The following EZH2 variants were observed in gnomAD, a reference collection of about 807,000 sequenced individuals.
EZH2 encodes the protein histone-lysine N-methyltransferase EZH2.
EZH2 carries 18 observed loss-of-function variants against 98.4 expected under a neutral mutation model. The observed-to-expected ratio is 0.18, with a 90% CI of 0.13 to 0.27. The LOEUF is 0.27. EZH2 is among the 10% of genes least tolerant of loss of function. The probability of loss-of-function intolerance (pLI) is 1.00; values close to 1 mark genes in which losing one functional copy is unlikely to be tolerated. For synonymous variants in EZH2, 338 were observed against 312.3 expected, an observed-to-expected ratio of 1.08 and a Z score of -0.87; for missense variants, 470 against 935.1, an observed-to-expected ratio of 0.50 and a Z score of 6.49.
At chr7:148,827,318 G>C in intron 6 of EZH2, 52 bp from the exon 7 acceptor site, 3 of 1,387,012 alleles carry the variant, frequency 2.2e-6, no homozygotes, top group Non-Finnish European at 3.0e-6. Flanking sequence ...ACAAGTTTTT[G>C]ATCTTTCATT....
At chr7:148,877,776 T>C (rs972870474) in intron 1 of EZH2, among the ~76,000 whole-genome samples, 1 of 152,226 alleles carries the variant, frequency 6.6e-6, no homozygotes, top group Admixed American at 6.5e-5. Context: ...ACACTGTACC[T>C]TCCATCAAAC....
rs779086763 is a variant in EZH2 at position 148,847,171 on chromosome 7, T to C, written c.117+11A>G. 2 of 1,595,556 alleles carry C rather than the reference T, an allele frequency of 1.3e-6. No individual in the cohort carries two copies. The highest frequency in any genetic ancestry group is 1.7e-6 in the Non-Finnish European group (2 of 1,174,558). On this transcript the variant is annotated intron_variant, in intron 2 of 19. Transcript: ENST00000320356. Reference sequence around the variant, plus strand: ...ATTGTATATTCATTTTCACAAAAGATAAAATTATACCTTTACTTCATCAGC... The same window carrying C: ...ATTGTATATTCATTTTCACAAAAGACAAAATTATACCTTTACTTCATCAGC...
At chr7:148,829,687 T>C (rs2129476832) in intron 5 of EZH2, 41 bp downstream of exon 5, 1 of 1,591,300 alleles carries the variant, frequency 6.3e-7, no homozygotes, top group Admixed American at 1.9e-5. Flanking sequence ...GTCTCTCAAT[T>C]CTTTAGCCCC....
chr7:148,832,886 G>T lies in EZH2; in HGVS notation c.247-136C>A. 6.2e-6 allele frequency: 3 copies of T among 482,904 alleles called. No individual in the cohort carries two copies. The South Asian group carries it at 1.4e-4, about 23-fold the overall frequency. The allele number at this position is 482,904 out of a possible 1,614,324, so 29.9% of individuals were successfully genotyped here. On this transcript the variant is annotated intron_variant, in intron 3 of 19. Transcript: ENST00000320356. ...AAGTCCTTACCTAGGACAGTAAAGT[G>T]GTCATATAAACCAAATAGGATTCTC... is the stretch of plus-strand genomic sequence containing the variant.
chr7:148,831,106 A>G (rs1021549412), intron 4 of EZH2, among the ~76,000 whole-genome samples: 4 of 152,226 alleles, frequency 2.6e-5, no homozygotes, highest in Non-Finnish European at 4.4e-5. Context: ...GGGAAAGGCC[A>G]CACACAGGAC....
At chr7:148,839,310 A>G (rs915593228) in intron 3 of EZH2, among the ~76,000 whole-genome samples, 21 of 152,264 alleles carry the variant, frequency 1.4e-4, no homozygotes, top group Non-Finnish European at 2.9e-4. Flanking sequence ...AAAAGAACAA[A>G]ATTAAAAACC....
chr7:148,866,537 C>CGTATATACATATATATGT (rs1196931114), intron 1 of EZH2, among the ~76,000 whole-genome samples: 5 of 99,250 alleles, frequency 5.0e-5, no homozygotes, highest in Admixed American at 2.3e-4. Flanking sequence ...CATATATATA[C>CGTATATACATATATATGT]GTATATACAT....
At chr7:148,880,975 T>C (rs1308479912) in intron 1 of EZH2, among the ~76,000 whole-genome samples, 1 of 152,196 alleles carries the variant, frequency 6.6e-6, no homozygotes, top group Non-Finnish European at 1.5e-5. Flanking sequence ...AGAGTGGGAA[T>C]TCAGGGAAGA....
chr7:148,812,292 A>T (rs1375545202), intron 15 of EZH2, among the ~76,000 whole-genome samples: 3 of 152,224 alleles, frequency 2.0e-5, no homozygotes, highest in Admixed American at 2.0e-4. Flanking sequence ...GGGAGGTGTT[A>T]TCATGATCTT....
intron 17 of EZH2, 193 bp downstream of exon 17, chr7:148,810,140 G>C: frequency 2.2e-6 from 1 of 459,172 alleles, no homozygotes; most frequent in Non-Finnish European, 4.0e-6. Context: ...GCGGTTTCCT[G>C]CACATCTAGT....
chr7:148,832,620 T>TCTTCTG lies in EZH2; in HGVS notation c.363+13_363+14insCAGAAG. 1 of 1,301,244 alleles carries TCTTCTG rather than the reference T, an allele frequency of 7.7e-7. No homozygotes were observed. Among genetic ancestry groups the TCTTCTG allele is most frequent in the Non-Finnish European group, 1.1e-6 (1 of 924,850 alleles). The allele number at this position is 1,301,244 out of a possible 1,614,324, so 80.6% of individuals were successfully genotyped here. A position where few individuals can be genotyped will look rare whatever the true frequency, so the allele number is the denominator to read the frequency against. On this transcript the variant is annotated intron_variant, in intron 4 of 19. Transcript: ENST00000320356. ...GTTATTATCAAATAAGCAGAAGATA[T>TCTTCTG]CTTATTTACATACCATAAAATTCTG...
At chr7:148,838,298 T>A (rs1367769729) in intron 3 of EZH2, among the ~76,000 whole-genome samples, 3 of 151,970 alleles carry the variant, frequency 2.0e-5, no homozygotes, top group Non-Finnish European at 2.9e-5. Context: ...GAAATTTAGA[T>A]CCTTAAAGCT....
At chr7:148,850,442 T>A (rs1815420274) in intron 1 of EZH2, 2 of 963,882 alleles carry the variant, frequency 2.1e-6, no homozygotes, top group Non-Finnish European at 2.5e-6. Flanking sequence ...GTTTCTACCA[T>A]TAATAACATA....
At chr7:148,822,658 T>C (rs902145040) in intron 8 of EZH2, among the ~76,000 whole-genome samples, 5 of 149,770 alleles carry the variant, frequency 3.3e-5, no homozygotes, top group African/African-American at 1.2e-4. Context: ...AGAATAAAAA[T>C]AGGCCAGGCG....
chr7:148,832,063 C>T (rs1254401479), intron 4 of EZH2, among the ~76,000 whole-genome samples: 1 of 152,074 alleles, frequency 6.6e-6, no homozygotes, highest in East Asian at 1.9e-4. Flanking sequence ...AGGACACTGA[C>T]TTTTTTAAGG....
intron 9 of EZH2, among the ~76,000 whole-genome samples, chr7:148,819,318 T>TAA (rs1554491149): frequency 1.3e-5 from 2 of 152,226 alleles, no homozygotes; most frequent in Non-Finnish European, 1.5e-5. Flanking sequence ...GCAACTCTCA[T>TAA]AGACTTTGTG....
rs1805454439 is a variant in EZH2, at chr7:148,819,611, C to A, written c.984G>T (p.Gln328His). Reference sequence around the variant, plus strand: ...TAAGTCTTACCAAATGCTGGTAACACTGTGGTCCACAAGGTTTGTTGTCTA... The same window carrying A: ...TAAGTCTTACCAAATGCTGGTAACAATGTGGTCCACAAGGTTTGTTGTCTA... ...TALDNKPCGP[Q>H]CYQHLEGAKE... Residue 328 changes from glutamine (Q) to histidine (H), a missense_variant, in exon 9 of 20, where the codon CAG becomes CAT. Physicochemically the swap from Gln to His is conservative, Grantham distance 24. Around this residue, in one of 6 missense-constraint regions of EZH2, gnomAD observed 192 missense variants for 306.8 expected, o/e 0.63. Transcript: ENST00000320356. 1 of 1,614,096 alleles carries A rather than the reference C, an allele frequency of 6.2e-7. No individual in the cohort carries two copies. The highest frequency in any genetic ancestry group is 8.5e-7 in the Non-Finnish European group (1 of 1,179,936).
intron 1 of EZH2, among the ~76,000 whole-genome samples, chr7:148,874,879 A>G (rs1486919609): frequency 1.3e-5 from 2 of 151,348 alleles, no homozygotes; most frequent in South Asian, 2.1e-4. Flanking sequence ...CCTGGGGGAC[A>G]GAGCAAGACT....
chr7:148,835,574 G>T (rs1453595426), intron 3 of EZH2, among the ~76,000 whole-genome samples: 2 of 151,720 alleles, frequency 1.3e-5, no homozygotes, highest in African/African-American at 4.8e-5. Flanking sequence ...CGAATATACT[G>T]AATATAATTA....
Sources: allele counts gnomAD v4.1 joint callset (sites outside exome capture counted in the v4.1 genomes callset), GRCh38; gene constraint gnomAD v4.1.1; regional missense constraint gnomAD v4.1.1; transcripts MANE v1.5; gene names NCBI Gene and HGNC (gene_info 2026-07-23, HGNC 2026-07-21).